ZFHX3: variants seen among roughly 807,000 people sequenced by gnomAD.
ZFHX3 encodes zinc finger homeobox 3.
In ZFHX3, 42 loss-of-function variants were observed where a neutral mutation model predicts 279.1. The ratio of observed to expected loss-of-function variants is 0.15; its 90% confidence interval spans 0.12 to 0.19. The LOEUF is 0.19. ZFHX3 is among the 10% of genes least tolerant of loss of function. The pLI, the probability that ZFHX3 is intolerant of heterozygous loss-of-function variation, is 1.00. For synonymous variants in ZFHX3, 2,293 were observed against 1,957.8 expected, an observed-to-expected ratio of 1.17 and a Z score of -4.52; for missense variants, 4,981 against 4,754.0, an observed-to-expected ratio of 1.05 and a Z score of -1.40.
intron 1 of ZFHX3, among the ~76,000 whole-genome samples, chr16:73,792,381 A>C (rs1237082791): frequency 6.6e-6 from 1 of 152,244 alleles, no homozygotes; most frequent in Non-Finnish European, 1.5e-5. Flanking sequence ...TCTAGGCAGC[A>C]ATACACATGA....
intron 1 of ZFHX3, among the ~76,000 whole-genome samples, chr16:73,689,291 T>G (rs931235355): frequency 6.6e-6 from 1 of 151,650 alleles, no homozygotes; most frequent in Admixed American, 6.6e-5. Context: ...GACAGGGGGG[T>G]TTTAGGAAGC....
Position 72,787,704 on chromosome 16 carries a change from GCCGCCGCCGCCGCCA to G in ZFHX3, c.10557_10571del (p.Gly3523_Gly3527del), listed in dbSNP as rs771374165. The G allele has an allele frequency of 3.1e-4, 425 of 1,384,644 alleles. 27 individuals are homozygous for G. The highest frequency in any genetic ancestry group is 1.4e-3 in the South Asian group (70 of 48,978). 85.8% of individuals were successfully genotyped at this position (1,384,644 alleles called of 1,614,324 possible). On this transcript the variant is annotated inframe_deletion, in exon 10 of 10. Transcript: ENST00000268489. ...CCAGGCAGTGGTACGAGCCGCCGCC[GCCGCCGCCGCCGCCA>G]CCGCCGCCGCCGCCGCCACTGCCAC...
rs187971192 is a variant in ZFHX3 at position 73,509,615 on chromosome 16, C to A, written c.-1546-53357G>T. On this transcript the variant is annotated intron_variant, in intron 2 of 17. Coordinates refer to the ZFHX3 transcript ENST00000641206. ...TCTTGGCTCACTGCAACCTCCACCCCCTGGGTTCAAGCGATTCTCCTGCCT... is the reference window on the plus strand; with the variant it reads ...TCTTGGCTCACTGCAACCTCCACCCACTGGGTTCAAGCGATTCTCCTGCCT... Among the ~76,000 whole-genome samples the A allele has an allele frequency of 1.9e-3, 281 of 149,070 alleles. 3 individuals are homozygous for A. Among genetic ancestry groups the A allele is most frequent in the African/African-American group, 6.9e-3 (272 of 39,304 alleles).
At chr16:73,175,505 G>A (rs1359637276) in intron 5 of ZFHX3, among the ~76,000 whole-genome samples, 1 of 152,200 alleles carries the variant, frequency 6.6e-6, no homozygotes. Flanking sequence ...TTCATCACCA[G>A]TAGAGTGAGG....
intron 2 of ZFHX3, among the ~76,000 whole-genome samples, chr16:73,614,429 A>T (rs1300673163): frequency 6.6e-6 from 1 of 152,220 alleles, no homozygotes; most frequent in East Asian, 1.9e-4. Context: ...TTTTTGAAAG[A>T]TGTAAATACC....
At chr16:73,186,096 G>A (rs993228284) in intron 5 of ZFHX3, among the ~76,000 whole-genome samples, 2 of 152,040 alleles carry the variant, frequency 1.3e-5, no homozygotes, top group African/African-American at 4.8e-5. Context: ...CCCCACATGG[G>A]ACCATCTAGT....
At chr16:73,593,332 G>A (rs2052017730) in intron 2 of ZFHX3, among the ~76,000 whole-genome samples, 1 of 151,966 alleles carries the variant, frequency 6.6e-6, no homozygotes, top group South Asian at 2.1e-4. Flanking sequence ...AAAAAAATTA[G>A]GGAAAACATC....
At chr16:72,819,931 G>T (rs2036737734) in intron 5 of ZFHX3, among the ~76,000 whole-genome samples, 2 of 152,242 alleles carry the variant, frequency 1.3e-5, no homozygotes, top group African/African-American at 4.8e-5. Flanking sequence ...GTCCTGGAGA[G>T]CCTCTGTGAA....
intron 1 of ZFHX3, among the ~76,000 whole-genome samples, chr16:73,762,773 C>T (rs1444362263): frequency 2.0e-5 from 3 of 152,098 alleles, no homozygotes; most frequent in Admixed American, 2.0e-4. Context: ...GGGAGCTGAA[C>T]AGTGTGAACA....
At chr16:73,753,227 G>C (rs16972469) in intron 1 of ZFHX3, among the ~76,000 whole-genome samples, 2,643 of 152,166 alleles carry the variant, frequency 0.017, 73 homozygotes, top group African/African-American at 0.061. Context: ...CTTGTGTTCC[G>C]GTCGTAACTC....
At chr16:73,438,786 T>A (rs1160388887) in intron 3 of ZFHX3, among the ~76,000 whole-genome samples, 1 of 152,212 alleles carries the variant, frequency 6.6e-6, no homozygotes, top group East Asian at 1.9e-4. Context: ...GAATAAAATG[T>A]GTGGTAATTG....
chr16:73,157,307 C>T (rs1227264159), intron 5 of ZFHX3, among the ~76,000 whole-genome samples: 2 of 151,982 alleles, frequency 1.3e-5, no homozygotes, highest in Admixed American at 6.6e-5. Context: ...CTCTGCCATA[C>T]TTAAACCTTG....
intron 1 of ZFHX3, among the ~76,000 whole-genome samples, chr16:73,742,917 A>T (rs1421101708): frequency 6.6e-6 from 1 of 152,218 alleles, no homozygotes; most frequent in East Asian, 1.9e-4. Context: ...CTAATTACAA[A>T]TGGAAAAAGT....
chr16:73,166,326 G>A (rs1417712419), intron 5 of ZFHX3, among the ~76,000 whole-genome samples: 1 of 152,202 alleles, frequency 6.6e-6, no homozygotes, highest in Non-Finnish European at 1.5e-5. Context: ...AAAAGGAAGA[G>A]ATTCCGAGTC....
intron 2 of ZFHX3, among the ~76,000 whole-genome samples, chr16:73,597,950 C>T (rs959680698): frequency 2.0e-5 from 3 of 152,238 alleles, no homozygotes; most frequent in South Asian, 4.1e-4. Flanking sequence ...GCTGGCATTG[C>T]GTGACTCTAG....
At chr16:73,733,557 T>A (rs1455254146) in intron 1 of ZFHX3, among the ~76,000 whole-genome samples, 1 of 152,248 alleles carries the variant, frequency 6.6e-6, no homozygotes, top group Non-Finnish European at 1.5e-5. Flanking sequence ...TATAGCTCTA[T>A]GAATTTTCTT....
intron 3 of ZFHX3, among the ~76,000 whole-genome samples, chr16:73,339,120 G>A (rs755275012): frequency 9.9e-5 from 15 of 152,128 alleles, no homozygotes; most frequent in Non-Finnish European, 1.8e-4. Flanking sequence ...TTTCTTTATA[G>A]CAATGTGAGA....
chr16:73,279,145 A>G lies in ZFHX3; in HGVS notation c.-1193-22009T>C, dbSNP rs535637757. Among the ~76,000 whole-genome samples, 18 of 152,082 alleles carry G rather than the reference A, an allele frequency of 1.2e-4. No individual in the cohort carries two copies. In the South Asian group the frequency reaches 1.9e-3, roughly 16 times the overall value. ...ATTTTTTTTTTCTCACCTTACAGTT[A>G]ATTCATTTTGCACAAATTTTAAGCT... On this transcript the variant is annotated intron_variant, in intron 4 of 17. Coordinates refer to the ZFHX3 transcript ENST00000641206.
At chr16:73,331,673 G>A (rs528607350) in intron 3 of ZFHX3, among the ~76,000 whole-genome samples, 1 of 152,324 alleles carries the variant, frequency 6.6e-6, no homozygotes, top group South Asian at 2.1e-4. Context: ...ATCATGAGCT[G>A]TTGATATAGT....
Sources: allele counts gnomAD v4.1 joint callset (sites outside exome capture counted in the v4.1 genomes callset), GRCh38; gene constraint gnomAD v4.1.1; transcripts MANE v1.5; gene names NCBI Gene and HGNC (gene_info 2026-07-23, HGNC 2026-07-21).